TET3: variants seen among roughly 807,000 people sequenced by gnomAD.
The protein encoded by TET3 is methylcytosine dioxygenase TET3.
In TET3, 19 loss-of-function variants were observed where a neutral mutation model predicts 141.4. The observed-to-expected ratio is 0.13, with a 90% CI of 0.09 to 0.20. TET3 has a LOEUF of 0.20. TET3 is among the 10% of genes least tolerant of loss of function. The pLI is 1.00. For missense variants in TET3, 1,874 were observed against 2,356.9 expected (o/e 0.80, Z 4.24); for synonymous variants, 1,043 against 980.9 (o/e 1.06, Z -1.18).
chr2:74,044,488 T>C (rs1687510578), intron 3 of TET3, among the ~76,000 whole-genome samples: 1 of 152,214 alleles, frequency 6.6e-6, no homozygotes, highest in Non-Finnish European at 1.5e-5. Context: ...TAATCATCAA[T>C]TGAAAGTATT....
At chr2:74,030,040 G>A (rs555196509) in intron 3 of TET3, among the ~76,000 whole-genome samples, 7 of 152,222 alleles carry the variant, frequency 4.6e-5, no homozygotes, top group African/African-American at 1.7e-4. Context: ...AAAATCAAAC[G>A]TCTAAAAAGT....
chr2:74,091,805 C>T (rs539764508), intron 8 of TET3, among the ~76,000 whole-genome samples: 22 of 152,336 alleles, frequency 1.4e-4, no homozygotes, highest in East Asian at 5.8e-4. Context: ...TGCTTGTTTT[C>T]GGAGGGCCAG....
chr2:74,004,940 G>A (rs1255376896), intron 3 of TET3, among the ~76,000 whole-genome samples: 2 of 152,178 alleles, frequency 1.3e-5, no homozygotes, highest in South Asian at 4.1e-4. Context: ...GCAGGCCAAC[G>A]GGATGAGGAC....
downstream of TET3, among the ~76,000 whole-genome samples, chr2:74,110,137 G>A (rs1339551564): frequency 2.0e-5 from 3 of 152,096 alleles, no homozygotes; most frequent in Non-Finnish European, 4.4e-5. Flanking sequence ...AGGAATCCAA[G>A]ACTAGTCTTG....
At chr2:74,074,212 G>T (rs1473460376) in intron 5 of TET3, among the ~76,000 whole-genome samples, 1 of 152,054 alleles carries the variant, frequency 6.6e-6, no homozygotes, top group East Asian at 1.9e-4. Context: ...AGATATCCTG[G>T]GTTCACATTG....
chr2:74,107,338 T>G lies in TET3; in HGVS notation c.*5162T>G, dbSNP rs1691554740. 1 of 152,248 alleles carries G rather than the reference T, an allele frequency of 6.6e-6. No homozygotes were observed. Among genetic ancestry groups the G allele is most frequent in the African/African-American group, 2.4e-5 (1 of 41,462 alleles). 9.4% of individuals were successfully genotyped at this position (152,248 alleles called of 1,614,324 possible). A position where few individuals can be genotyped will look rare whatever the true frequency, so the allele number is the denominator to read the frequency against. ...TTTTGCCTAAGAATCAGCGAGCGAT[T>G]TGGCCTACTTCCTCATTGGCTTCTA... On this transcript the variant is annotated 3_prime_UTR_variant, in exon 12 of 12. Transcript: ENST00000409262.
At chr2:73,997,366 C>A (rs1684646523) in intron 2 of TET3, among the ~76,000 whole-genome samples, 1 of 152,154 alleles carries the variant, frequency 6.6e-6, no homozygotes, top group African/African-American at 2.4e-5. Context: ...AAGGTAAGCT[C>A]TGTGTGCCCC....
At chr2:74,021,189 C>T (rs553210523) in intron 3 of TET3, among the ~76,000 whole-genome samples, 5 of 152,326 alleles carry the variant, frequency 3.3e-5, no homozygotes, top group African/African-American at 1.2e-4. Context: ...GGCCCTGAGG[C>T]TCCCCATGAG....
upstream of TET3, among the ~76,000 whole-genome samples, chr2:73,983,872 G>C (rs1683870209): frequency 6.6e-6 from 1 of 152,228 alleles, no homozygotes; most frequent in Non-Finnish European, 1.5e-5. Context: ...CTGCAACCGA[G>C]GTAGGTGGAA....
Position 73,986,584 on chromosome 2 carries a change from G to C in TET3, c.181G>C (p.Glu61Gln). The change falls in exon 2 of 12, where the codon GAG becomes CAG. Residue 61 changes from glutamate to glutamine, a missense_variant. Glu to Gln is a conservative substitution (Grantham distance 29). Transcript: ENST00000409262. ...RKKRKRCGTCEPCRRLENCGA... is the reference protein window; with the variant it reads ...RKKRKRCGTCQPCRRLENCGA... ...GAAACGGAAACGGTGTGGTACTTGTGAGCCCTGCCGGCGGCTGGAAAACTG... is the reference window on the plus strand; with the variant it reads ...GAAACGGAAACGGTGTGGTACTTGTCAGCCCTGCCGGCGGCTGGAAAACTG... 8.1e-7 allele frequency: 1 copy of C among 1,232,196 alleles called. No individual in the cohort carries two copies. The highest frequency in any genetic ancestry group is 1.0e-6 in the Non-Finnish European group (1 of 988,016). 76.3% of individuals were successfully genotyped at this position (1,232,196 alleles called of 1,614,324 possible).
chr2:74,027,317 A>C (rs1686420450), intron 3 of TET3, among the ~76,000 whole-genome samples: 1 of 149,546 alleles, frequency 6.7e-6, no homozygotes, highest in African/African-American at 2.5e-5. Context: ...TCGGGGTAGA[A>C]GGTGGGTGAT....
At chr2:73,990,003 A>C (rs1360972331) in intron 2 of TET3, among the ~76,000 whole-genome samples, 1 of 152,194 alleles carries the variant, frequency 6.6e-6, no homozygotes, top group Non-Finnish European at 1.5e-5. Flanking sequence ...GGCACATAGT[A>C]GGTAATCAAT....
rs1691148055 is a variant in TET3 at position 74,100,729 on chromosome 2, G to C, written c.3941G>C (p.Ser1314Thr). Residue 1314 changes from serine (S) to threonine (T), a missense_variant, in exon 12 of 12, where the codon AGT becomes ACT. Around this residue, in one of 10 missense-constraint regions of TET3, gnomAD observed 602 missense variants for 590.2 expected, o/e 1.02. Coordinates refer to ENST00000409262, the MANE Select transcript of TET3 (RefSeq NM_001287491.2). Reference sequence around the variant, plus strand: ...TGGGGGCACAGTGGCAGCAGTGGCAGTTTTGAGAAGAAGCCAGACCTCCAC... The same window carrying C: ...TGGGGGCACAGTGGCAGCAGTGGCACTTTTGAGAAGAAGCCAGACCTCCAC... ...GAWGHSGSSG[S>T]FEKKPDLHAL... The C allele has an allele frequency of 6.2e-7, 1 of 1,613,852 alleles. No homozygotes were observed. Among genetic ancestry groups the C allele is most frequent in the African/African-American group, 1.3e-5 (1 of 74,936 alleles).
chr2:74,060,362 T>C (rs534776432), intron 4 of TET3, among the ~76,000 whole-genome samples: 7 of 152,204 alleles, frequency 4.6e-5, no homozygotes, highest in South Asian at 2.1e-4. Context: ...GTTTTTCTTA[T>C]TGAGTGGTAA....
At chr2:74,035,133 C>T (rs1226574448) in intron 3 of TET3, among the ~76,000 whole-genome samples, 2 of 142,780 alleles carry the variant, frequency 1.4e-5, no homozygotes, top group African/African-American at 5.3e-5. Flanking sequence ...ACCTGGGAGG[C>T]GGAGCTTGCA....
rs538331380 is a variant in TET3 at position 74,004,346 on chromosome 2, G to GGGAA, written c.360+1182_360+1185dup. 1.1e-4 allele frequency among the ~76,000 whole-genome samples: 16 copies of GGGAA among 152,302 alleles called. No homozygotes were observed. The East Asian group carries it at 3.1e-3, about 29-fold the overall frequency. On this transcript the variant is annotated intron_variant, in intron 3 of 11. Coordinates refer to ENST00000409262, the MANE Select transcript of TET3 (RefSeq NM_001287491.2). ...TCTTCCCGCCCCCTGGGAAAGCTGT[G>GGGAA]GGAAGCTCCATGGAGGTGCTGGAAG...
intron 3 of TET3, among the ~76,000 whole-genome samples, chr2:74,030,358 C>T (rs1172267642): frequency 2.0e-5 from 3 of 152,132 alleles, no homozygotes; most frequent in African/African-American, 7.2e-5. Context: ...TTTCATCTAG[C>T]TTTTTTCCTT....
intron 3 of TET3, among the ~76,000 whole-genome samples, chr2:74,019,497 C>T (rs1377786869): frequency 6.6e-6 from 1 of 152,176 alleles, no homozygotes; most frequent in African/African-American, 2.4e-5. Flanking sequence ...ATTGTCTGTA[C>T]CTCCGTGGCA....
intron 3 of TET3, among the ~76,000 whole-genome samples, chr2:74,026,367 TC>T (rs1284467139): frequency 6.6e-6 from 1 of 151,700 alleles, no homozygotes; most frequent in East Asian, 1.9e-4. Flanking sequence ...CACCCCCCTC[TC>T]CCCCACCCCA....
Sources: allele counts gnomAD v4.1 joint callset (sites outside exome capture counted in the v4.1 genomes callset), GRCh38; gene constraint gnomAD v4.1.1; regional missense constraint gnomAD v4.1.1; transcripts MANE v1.5; gene names NCBI Gene and HGNC (gene_info 2026-07-23, HGNC 2026-07-21).